The following IL2RA variants were observed in gnomAD, a reference collection of about 807,000 sequenced individuals.
IL2RA encodes the protein interleukin-2 receptor subunit alpha.
In IL2RA, 24 loss-of-function variants were observed where a neutral mutation model predicts 37.8. That is an observed-to-expected ratio of 0.63 (90% CI 0.46 to 0.89). The LOEUF is 0.89. Among genes scored for constraint, IL2RA ranks in the 40% least tolerant of loss-of-function variants. The pLI is 0.00. For synonymous variants in IL2RA, 125 were observed against 114.6 expected, an observed-to-expected ratio of 1.09 and a Z score of -0.58; for missense variants, 319 against 348.6, an observed-to-expected ratio of 0.92 and a Z score of 0.68.
chr10:6,034,163 C>T (rs1007292968), intron 1 of IL2RA, among the ~76,000 whole-genome samples: 1 of 152,076 alleles, frequency 6.6e-6, no homozygotes, highest in Non-Finnish European at 1.5e-5. Context: ...TAAATTAGCC[C>T]GAGTGTCTGA....
Position 6,028,253 on chromosome 10 carries a change from A to G in IL2RA, c.65-2228T>C, listed in dbSNP as rs577930157. Among the ~76,000 whole-genome samples, 4 of 152,296 alleles carry G rather than the reference A, an allele frequency of 2.6e-5. No individual in the cohort carries two copies. In the South Asian group the frequency reaches 8.3e-4, roughly 32 times the overall value. On this transcript the variant is annotated intron_variant, in intron 1 of 7. Transcript: ENST00000379959. This position sits in a 1 kb window ranked among gnomAD's most constrained non-coding sequence, Gnocchi z 4.1. ...ACTGCATGAAGGTCGCCCCAAAATT[A>G]TGTATAGGGGTCCACCTCAGGTTCT...
chr10:6,030,701 AC>A lies in IL2RA; in HGVS notation c.65-4677del, dbSNP rs530451759. On this transcript the variant is annotated intron_variant, in intron 1 of 7. Coordinates refer to ENST00000379959, the MANE Select transcript of IL2RA (RefSeq NM_000417.3). ...ATAAATCGACATGAAGTAATAAAGA[AC>A]ACGTAAATATTTAGATAAGTGAAAA... 2.0e-3 allele frequency among the ~76,000 whole-genome samples: 300 copies of A among 152,350 alleles called. 3 individuals carry two copies. Among genetic ancestry groups the A allele is most frequent in the African/African-American group, 6.5e-3 (271 of 41,588 alleles).
intron 1 of IL2RA, among the ~76,000 whole-genome samples, chr10:6,034,685 C>T (rs1417530876): frequency 1.3e-5 from 2 of 152,164 alleles, no homozygotes; most frequent in Non-Finnish European, 2.9e-5. Context: ...AATTACTTCT[C>T]AAAATTCAGC....
rs1177082911 is a variant in IL2RA at position 6,028,893 on chromosome 10, G to A, written c.65-2868C>T. On this transcript the variant is annotated intron_variant, in intron 1 of 7. Transcript: ENST00000379959. The surrounding 1 kb of genome is among the most constrained non-coding windows in gnomAD (Gnocchi z 4.1). The stretch of plus-strand genomic sequence containing the variant: ...GCATGTCTGTAGTCCCAGGTACTTG[G>A]GAGGCTGAGGCAGGAGAATTGCTTG... 6.6e-6 allele frequency among the ~76,000 whole-genome samples: 1 copy of A among 151,866 alleles called. No individual in the cohort carries two copies. Among genetic ancestry groups the A allele is most frequent in the Admixed American group, 6.6e-5 (1 of 15,258 alleles).
chr10:6,031,422 T>C (rs1839571977), intron 1 of IL2RA, among the ~76,000 whole-genome samples: 1 of 127,258 alleles, frequency 7.9e-6, no homozygotes. Context: ...CTACCAGAAT[T>C]TAGCAAGTTA....
At position 6,015,633 on chromosome 10, in the gene IL2RA, T is replaced by G. The variant is rs1452496901; in HGVS notation, c.794+2420A>C. Among the ~76,000 whole-genome samples the G allele has an allele frequency of 6.6e-6, 1 of 152,246 alleles. No homozygotes were observed. The highest frequency in any genetic ancestry group is 1.9e-4 in the East Asian group (1 of 5,206). On this transcript the variant is annotated intron_variant, in intron 7 of 7. Transcript: ENST00000379959. The surrounding 1 kb of genome is among the most constrained non-coding windows in gnomAD (Gnocchi z 4.9). ...TAGTTATATATATTTATGAGGTATG[T>G]AGGGATGCTTTGATACCTACAAGGT...
chr10:6,024,724 G>C (rs554684610), intron 2 of IL2RA, among the ~76,000 whole-genome samples: 1 of 152,344 alleles, frequency 6.6e-6, no homozygotes, highest in East Asian at 1.9e-4. Flanking sequence ...AATTGTCTCT[G>C]TGTTGTTTGA....
intron 7 of IL2RA, among the ~76,000 whole-genome samples, chr10:6,016,795 A>G (rs1839287443): frequency 6.6e-6 from 1 of 152,048 alleles, no homozygotes; most frequent in Non-Finnish European, 1.5e-5. Context: ...CCTGGTCCTG[A>G]ACTCCTGACC....
At position 6,012,957 on chromosome 10, in the gene IL2RA, C is replaced by G. The variant is rs1244651520; in HGVS notation, c.795-61G>C. The stretch of plus-strand genomic sequence containing the variant: ...AACACGGCACCAAAAAAATGTGGTC[C>G]TCACTCTAAACCAGTGCACACGCCA... On this transcript the variant is annotated intron_variant, in intron 7 of 7. Transcript: ENST00000379959. The surrounding 1 kb of genome is among the most constrained non-coding windows in gnomAD (Gnocchi z 4.8). The G allele has an allele frequency of 1.3e-6, 2 of 1,546,504 alleles. No homozygotes were observed. Among genetic ancestry groups the G allele is most frequent in the Non-Finnish European group, 1.8e-6 (2 of 1,118,506 alleles).
chr10:6,051,319 C>T (rs993535171), intron 1 of IL2RA, among the ~76,000 whole-genome samples: 1 of 151,912 alleles, frequency 6.6e-6, no homozygotes, highest in Non-Finnish European at 1.5e-5. Context: ...GGGAAACTCT[C>T]GGGGCACCAG....
chr10:6,019,448 G>A lies in IL2RA; in HGVS notation c.707C>T (p.Thr236Ile). ...MAATMETSIFTTEYQVAVAGC... is the reference protein window; with the variant it reads ...MAATMETSIFITEYQVAVAGC... ...CTCACCTGCTACCTGGTACTCTGTT[G>A]TAAATATGGACGTCTCCATGGTTGC... Residue 236 changes from threonine (T) to isoleucine (I), a missense_variant, in exon 6 of 8, where the codon ACA (threonine) becomes ATA (isoleucine). Thr to Ile is a moderately conservative substitution (Grantham distance 89). Coordinates refer to ENST00000379959, the MANE Select transcript of IL2RA (RefSeq NM_000417.3). The A allele has an allele frequency of 6.2e-7, 1 of 1,613,270 alleles. No individual in the cohort carries two copies. Among genetic ancestry groups the A allele is most frequent in the Non-Finnish European group, 8.5e-7 (1 of 1,179,146 alleles).
Position 6,022,395 on chromosome 10 carries a change from A to G in IL2RA, c.368-702T>C, listed in dbSNP as rs574329738. Among the ~76,000 whole-genome samples the G allele has an allele frequency of 6.6e-6, 1 of 152,280 alleles. No individual in the cohort carries two copies. Among genetic ancestry groups the G allele is most frequent in the Admixed American group, 6.5e-5 (1 of 15,300 alleles). Reference sequence around the variant, plus strand: ...CCCAACTACATCCCAGGCCTGACGGACCTGTGGCCTGAGACCATGTCTTGT... The same window carrying G: ...CCCAACTACATCCCAGGCCTGACGGGCCTGTGGCCTGAGACCATGTCTTGT... On this transcript the variant is annotated intron_variant, in intron 3 of 7. Transcript: ENST00000379959. This position sits in a 1 kb window ranked among gnomAD's most constrained non-coding sequence, Gnocchi z 4.7.
rs1347138679 is a variant in IL2RA, at chr10:6,044,795, C to A, written c.64+17293G>T. 6.6e-6 allele frequency among the ~76,000 whole-genome samples: 1 copy of A among 152,220 alleles called. No individual in the cohort carries two copies. The highest frequency in any genetic ancestry group is 6.5e-5 in the Admixed American group (1 of 15,286). ...GGGACTTCACCTCCCACTCCCCCTC[C>A]ACCCACTCTTTGCTGGATCAGCACC... On this transcript the variant is annotated intron_variant, in intron 1 of 7. Transcript: ENST00000379959. The surrounding 1 kb of genome is among the most constrained non-coding windows in gnomAD (Gnocchi z 4.5).
chr10:6,050,952 A>T, intron 1 of IL2RA, among the ~76,000 whole-genome samples: 1 of 152,142 alleles, frequency 6.6e-6, no homozygotes, highest in Non-Finnish European at 1.5e-5. Flanking sequence ...TAAACCAGGG[A>T]TCAACATCTC....
At chr10:6,060,627 C>T (rs138181457) in intron 1 of IL2RA, among the ~76,000 whole-genome samples, 2,117 of 152,050 alleles carry the variant, frequency 0.014, 51 homozygotes, top group South Asian at 0.1. Flanking sequence ...TGGTGGTGCA[C>T]GCACCTGTAA....
chr10:6,037,851 C>T (rs149740563), intron 1 of IL2RA, among the ~76,000 whole-genome samples: 66 of 152,242 alleles, frequency 4.3e-4, no homozygotes, highest in African/African-American at 1.4e-3. Flanking sequence ...GGAAAGAGGA[C>T]GCTGGAGCCA....
At chr10:6,013,107 T>C (rs542554892) in intron 7 of IL2RA, among the ~76,000 whole-genome samples, 2 of 152,250 alleles carry the variant, frequency 1.3e-5, no homozygotes, top group South Asian at 4.2e-4. Context: ...GGATTACAGG[T>C]GTGAGCCACT....
chr10:6,040,286 G>A (rs973347284), intron 1 of IL2RA, among the ~76,000 whole-genome samples: 11 of 152,144 alleles, frequency 7.2e-5, no homozygotes, highest in East Asian at 1.9e-4. Flanking sequence ...GTGTCACAAC[G>A]AGGAAATAGA....
chr10:6,027,183 G>A (rs540151143), intron 1 of IL2RA, among the ~76,000 whole-genome samples: 4 of 152,082 alleles, frequency 2.6e-5, no homozygotes, highest in East Asian at 3.8e-4. Context: ...AAAATTAGCC[G>A]GGCGTGGTGG....
Sources: gnomAD v4.1 joint callset for allele counts (sites outside exome capture counted in the v4.1 genomes callset) on GRCh38, gnomAD v4.1.1 for gene constraint, Gnocchi (gnomAD v3.1) non-coding constraint, MANE v1.5 for transcripts, NCBI Gene and HGNC (gene_info 2026-07-23, HGNC 2026-07-21) for gene names.